DEPTOR: variants seen among roughly 807,000 people sequenced by gnomAD.
The protein encoded by DEPTOR is DEP domain-containing mTOR-interacting protein.
A neutral mutation model predicts 41.6 loss-of-function variants in DEPTOR; 41 were observed. The observed-to-expected ratio is 0.98, with a 90% CI of 0.77 to 1.28. The LOEUF (loss-of-function observed/expected upper bound fraction) is 1.28. Ranked by LOEUF, DEPTOR falls within the 50% of genes most tolerant of loss-of-function variation. The pLI, the probability that DEPTOR is intolerant of heterozygous loss-of-function variation, is 0.00. For synonymous variants in DEPTOR, 195 were observed against 192.3 expected (o/e 1.01, Z -0.12); for missense variants, 514 against 527.9 (o/e 0.97, Z 0.26).
chr8:119,984,254 A>G (rs1254856722), intron 4 of DEPTOR, among the ~76,000 whole-genome samples: 1 of 151,618 alleles, frequency 6.6e-6, no homozygotes, highest in East Asian at 1.9e-4. Context: ...GGACGCTACT[A>G]GGCCTTTTAT....
intron 4 of DEPTOR, among the ~76,000 whole-genome samples, chr8:119,986,950 T>G (rs1828837547): frequency 6.6e-6 from 1 of 151,998 alleles, no homozygotes; most frequent in Non-Finnish European, 1.5e-5. Context: ...TTCAAGGTTC[T>G]TAGCTTCTTT....
At chr8:119,934,295 T>C (rs75206872) in intron 3 of DEPTOR, among the ~76,000 whole-genome samples, 2,312 of 152,316 alleles carry the variant, frequency 0.015, 61 homozygotes, top group African/African-American at 0.053. Flanking sequence ...AGTATGTATG[T>C]CACTCTAGTT....
chr8:119,875,001 G>C (rs1253016846), intron 1 of DEPTOR, among the ~76,000 whole-genome samples: 1 of 152,204 alleles, frequency 6.6e-6, no homozygotes, highest in Non-Finnish European at 1.5e-5. Context: ...GGACCTGAAA[G>C]AGTGTCTTGC....
chr8:119,962,465 G>C (rs886713427), intron 3 of DEPTOR, among the ~76,000 whole-genome samples: 1 of 152,100 alleles, frequency 6.6e-6, no homozygotes. Flanking sequence ...GGGGAGAAGA[G>C]AGGGAGAGCA....
At chr8:119,921,360 A>AT (rs1293453401) in intron 1 of DEPTOR, among the ~76,000 whole-genome samples, 1 of 152,230 alleles carries the variant, frequency 6.6e-6, no homozygotes, top group Non-Finnish European at 1.5e-5. Flanking sequence ...GGCAAAACAC[A>AT]TACGTGTGCA....
At chr8:119,948,948 C>G (rs540300897) in intron 3 of DEPTOR, among the ~76,000 whole-genome samples, 1 of 152,264 alleles carries the variant, frequency 6.6e-6, no homozygotes, top group African/African-American at 2.4e-5. Flanking sequence ...CCACCACACA[C>G]AGCTAATTTT....
chr8:119,891,556 A>T (rs1183356393), intron 1 of DEPTOR, among the ~76,000 whole-genome samples: 3 of 151,392 alleles, frequency 2.0e-5, no homozygotes, highest in Non-Finnish European at 4.4e-5. Context: ...CCTGGTGTAA[A>T]CCTCCTCACC....
chr8:119,990,512 A>T (rs944494566), intron 4 of DEPTOR, among the ~76,000 whole-genome samples: 1 of 152,202 alleles, frequency 6.6e-6, no homozygotes, highest in African/African-American at 2.4e-5. Context: ...TTGACTTTCC[A>T]TCTGTTTATT....
chr8:119,889,350 C>T (rs1827416247), intron 1 of DEPTOR, among the ~76,000 whole-genome samples: 1 of 151,524 alleles, frequency 6.6e-6, no homozygotes, highest in South Asian at 2.1e-4. Context: ...AGTTTCAGAC[C>T]AGCCTGGGCA....
At chr8:119,910,158 T>C (rs537826658) in intron 1 of DEPTOR, among the ~76,000 whole-genome samples, 26 of 152,300 alleles carry the variant, frequency 1.7e-4, no homozygotes, top group African/African-American at 4.6e-4. Flanking sequence ...AGGGGCTACA[T>C]TGGGAAACAG....
rs112179732 is a variant in DEPTOR at position 119,968,333 on chromosome 8, TA to T, written c.604+2924del. 3.4e-3 allele frequency among the ~76,000 whole-genome samples: 519 copies of T among 150,850 alleles called. 3 individuals are homozygous for T. Among genetic ancestry groups the T allele is most frequent in the African/African-American group, 0.012 (494 of 40,520 alleles). On this transcript the variant is annotated intron_variant, in intron 4 of 8. Coordinates refer to ENST00000286234, the MANE Select transcript of DEPTOR (RefSeq NM_022783.4). ...GAGAGCTACCTTCTTTTATTATTAT[TA>T]TTTTTTTTTTGGGACAGTTACTGCT...
At chr8:120,025,860 T>TCAA (rs1812788669) in intron 8 of DEPTOR, among the ~76,000 whole-genome samples, 1 of 151,970 alleles carries the variant, frequency 6.6e-6, no homozygotes, top group Non-Finnish European at 1.5e-5. Context: ...GATCCATCAT[T>TCAA]GGTTTCCCAC....
intron 8 of DEPTOR, among the ~76,000 whole-genome samples, chr8:120,014,724 T>A (rs1159798525): frequency 1.3e-5 from 2 of 152,046 alleles, no homozygotes; most frequent in Non-Finnish European, 2.9e-5. Context: ...GGTTTCACCA[T>A]GTTGGCCAGG....
intron 1 of DEPTOR, among the ~76,000 whole-genome samples, chr8:119,901,133 T>C (rs1332528564): frequency 6.6e-6 from 1 of 152,186 alleles, no homozygotes; most frequent in Admixed American, 6.5e-5. Flanking sequence ...ACTTAATTGA[T>C]TTCATTTGGT....
At chr8:119,917,072 A>T (rs1202610292) in intron 1 of DEPTOR, among the ~76,000 whole-genome samples, 23 of 152,158 alleles carry the variant, frequency 1.5e-4, no homozygotes. Context: ...GTGGGGCCTC[A>T]TTTATCTTTT....
chr8:119,926,581 T>C (rs1056368679), intron 1 of DEPTOR, among the ~76,000 whole-genome samples: 6 of 152,218 alleles, frequency 3.9e-5, no homozygotes, highest in African/African-American at 1.4e-4. Context: ...TTGCTGTTTA[T>C]CTGAAATTCA....
intron 4 of DEPTOR, among the ~76,000 whole-genome samples, chr8:119,974,542 C>T (rs1011253188): frequency 2.6e-5 from 4 of 152,046 alleles, no homozygotes; most frequent in South Asian, 2.1e-4. Context: ...GAGGCTGAGG[C>T]GAGAGAATCA....
chr8:119,903,517 T>C (rs1449521838), intron 1 of DEPTOR, among the ~76,000 whole-genome samples: 4 of 152,214 alleles, frequency 2.6e-5, no homozygotes, highest in South Asian at 2.1e-4. Context: ...GTCATCAACA[T>C]AGTGAAGTTG....
intron 8 of DEPTOR, among the ~76,000 whole-genome samples, chr8:120,047,214 G>T (rs1020068675): frequency 3.3e-5 from 5 of 151,942 alleles, no homozygotes; most frequent in Admixed American, 2.6e-4. Flanking sequence ...TAGAGATGGG[G>T]TTTCACCATG....
Sources: gnomAD v4.1 joint callset for allele counts (sites outside exome capture counted in the v4.1 genomes callset) on GRCh38, gnomAD v4.1.1 for gene constraint, MANE v1.5 for transcripts, NCBI Gene and HGNC (gene_info 2026-07-23, HGNC 2026-07-21) for gene names.